The following USP37 variants were observed in gnomAD, a reference collection of about 807,000 sequenced individuals.
USP37 encodes the protein ubiquitin carboxyl-terminal hydrolase 37.
Under a neutral mutation model 124.0 loss-of-function variants are expected in USP37, and 27 were observed. The observed-to-expected ratio is 0.22, with a 90% confidence interval of 0.16 to 0.30. The LOEUF (loss-of-function observed/expected upper bound fraction) is 0.30. USP37 is among the 10% of genes least tolerant of loss of function. The pLI is 1.00. For missense variants in USP37, 889 were observed against 1,140.4 expected (o/e 0.78, Z 3.17); for synonymous variants, 365 against 388.0 (o/e 0.94, Z 0.70).
At chr2:218,457,259 T>G (rs1341735090) in intron 23 of USP37, 98 bp from the exon 24 acceptor site, 2 of 1,189,258 alleles carry the variant, frequency 1.7e-6, no homozygotes, top group African/African-American at 3.1e-5. Flanking sequence ...GGCTAAGCTT[T>G]GGTATGTGGC....
At chr2:218,530,169 C>T in intron 9 of USP37, 129 bp from the exon 10 acceptor site, 1 of 654,742 alleles carries the variant, frequency 1.5e-6, no homozygotes, top group Non-Finnish European at 2.5e-6. Context: ...TACAGGAATA[C>T]CTCATTTTAT....
At chr2:218,538,605 AT>A (rs1255384109) in intron 8 of USP37, among the ~76,000 whole-genome samples, 4 of 152,206 alleles carry the variant, frequency 2.6e-5, no homozygotes, top group Non-Finnish European at 5.9e-5. Flanking sequence ...GATAGAAGCT[AT>A]AAAAAATGGG....
intron 10 of USP37, among the ~76,000 whole-genome samples, chr2:218,518,101 G>A (rs960344136): frequency 2.6e-5 from 4 of 152,004 alleles, no homozygotes; most frequent in African/African-American, 9.7e-5. Context: ...GACCAAAAGT[G>A]CATGCCATCA....
At chr2:218,517,004 A>G (rs1307097395) in intron 10 of USP37, among the ~76,000 whole-genome samples, 1 of 152,162 alleles carries the variant, frequency 6.6e-6, no homozygotes, top group African/African-American at 2.4e-5. Context: ...CAGTATCTAC[A>G]ATGTTTACTT....
At chr2:218,457,358 A>G (rs554129302) in intron 23 of USP37, among the ~76,000 whole-genome samples, 197 bp from the exon 24 acceptor site, 1 of 152,374 alleles carries the variant, frequency 6.6e-6, no homozygotes, top group East Asian at 1.9e-4. Context: ...GAAATAAGTC[A>G]AAAGAAGAGT....
At chr2:218,534,106 T>A (rs1691487137) in intron 9 of USP37, among the ~76,000 whole-genome samples, 1 of 152,222 alleles carries the variant, frequency 6.6e-6, no homozygotes, top group South Asian at 2.1e-4. Flanking sequence ...AAGACTGGAT[T>A]CTTTATAAAC....
intron 22 of USP37, among the ~76,000 whole-genome samples, chr2:218,460,518 A>ATAAATAT (rs1689959622): frequency 6.6e-6 from 1 of 152,178 alleles, no homozygotes; most frequent in Non-Finnish European, 1.5e-5. Context: ...CATATAATCC[A>ATAAATAT]ATTTCACTAA....
intron 8 of USP37, among the ~76,000 whole-genome samples, chr2:218,535,380 G>C (rs981557858): frequency 6.8e-6 from 1 of 147,540 alleles, no homozygotes; most frequent in East Asian, 2.1e-4. Context: ...AAAAAAAAAA[G>C]TACAATGTTC....
Position 218,498,987 on chromosome 2 carries a change from T to C in USP37, c.1026-830A>G, listed in dbSNP as rs553241145. 2.6e-5 allele frequency among the ~76,000 whole-genome samples: 4 copies of C among 152,024 alleles called. No individual in the cohort carries two copies. In the South Asian group the frequency reaches 8.3e-4, roughly 32 times the overall value. ...CTAAGTACAAATATATTTTAAAAAC[T>C]TTTTATGCCGGGTGCAGTGGCTCAT... On this transcript the variant is annotated intron_variant, in intron 11 of 25. Coordinates refer to ENST00000258399, the MANE Select transcript of USP37 (RefSeq NM_020935.3).
At chr2:218,536,017 CAAAAAAAAA>C (rs59248363) in intron 8 of USP37, among the ~76,000 whole-genome samples, 20 of 80,826 alleles carry the variant, frequency 2.5e-4, no homozygotes, top group Non-Finnish European at 3.4e-4. Flanking sequence ...GACTTCATCT[CAAAAAAAAA>C]AAAAAAAAAA....
chr2:218,498,218 T>G (rs1348681426), intron 11 of USP37, 61 bp from the exon 12 acceptor site: 1 of 1,472,796 alleles, frequency 6.8e-7, no homozygotes, highest in African/African-American at 1.4e-5. Context: ...ATGTTCAGTA[T>G]AGTAGGAGTT....
intron 14 of USP37, among the ~76,000 whole-genome samples, chr2:218,494,545 T>C (rs1158740373): frequency 6.6e-6 from 1 of 152,206 alleles, no homozygotes; most frequent in Non-Finnish European, 1.5e-5. Flanking sequence ...TCAGGTTTCT[T>C]ATGAGTGGCA....
In USP37 at chr2:218,451,406, A is replaced by G. The variant is rs1689473349; in HGVS notation, c.*3524T>C. 1 of 152,208 alleles carries G rather than the reference A, an allele frequency of 6.6e-6. No homozygotes were observed. The allele number at this position is 152,208 out of a possible 1,614,324, so 9.4% of individuals were successfully genotyped here. On this transcript the variant is annotated 3_prime_UTR_variant, in exon 26 of 26. Transcript: ENST00000258399. ...TCAATTAAATTAAAAAGGCCCTCCAACCACCCTAAATGGGATAACTAAGAG... is the reference window on the plus strand; with the variant it reads ...TCAATTAAATTAAAAAGGCCCTCCAGCCACCCTAAATGGGATAACTAAGAG...
chr2:218,461,491 A>G (rs1356900155), intron 22 of USP37, among the ~76,000 whole-genome samples: 2 of 151,168 alleles, frequency 1.3e-5, no homozygotes, highest in African/African-American at 4.8e-5. Flanking sequence ...GGGCAACAAG[A>G]GAGAAACTCC....
intron 8 of USP37, among the ~76,000 whole-genome samples, chr2:218,541,777 C>T (rs990388385): frequency 2.6e-5 from 4 of 152,010 alleles, no homozygotes; most frequent in Non-Finnish European, 5.9e-5. Flanking sequence ...AGACAGGAGT[C>T]AATATAAACG....
chr2:218,529,029 T>C (rs928264617), intron 10 of USP37, among the ~76,000 whole-genome samples: 1 of 152,098 alleles, frequency 6.6e-6, no homozygotes, highest in Non-Finnish European at 1.5e-5. Context: ...GATCTTAGTA[T>C]GTTCATCCAC....
chr2:218,544,430 T>TAGAGAGAG (rs56690495), intron 8 of USP37, among the ~76,000 whole-genome samples: 1,166 of 50,674 alleles, frequency 0.023, 28 homozygotes, highest in East Asian at 0.057. Flanking sequence ...TATATATATA[T>TAGAGAGAG]AGAGAGAGAG....
In USP37 at chr2:218,509,907, C is replaced by G. The variant is rs1451357233; in HGVS notation, c.1025+72G>C. On this transcript the variant is annotated intron_variant, in intron 11 of 25. Coordinates refer to ENST00000258399, the MANE Select transcript of USP37 (RefSeq NM_020935.3). The stretch of plus-strand genomic sequence containing the variant: ...AACTTTAATGTGACTCCTTTAATTA[C>G]ATTTTACACCAAAGCACACTTCTAT... The G allele has an allele frequency of 1.2e-5, 16 of 1,363,504 alleles. No homozygotes were observed. In the South Asian group the frequency reaches 3.3e-4, roughly 28 times the overall value. The allele number at this position is 1,363,504 out of a possible 1,614,324, so 84.5% of individuals were successfully genotyped here. A position where few individuals can be genotyped will look rare whatever the true frequency, so the allele number is the denominator to read the frequency against.
At chr2:218,558,802 C>G (rs887932530) in intron 3 of USP37, 125 bp from the exon 4 acceptor site, 2 of 696,706 alleles carry the variant, frequency 2.9e-6, no homozygotes, top group East Asian at 2.7e-5. Flanking sequence ...TTCATTTTCC[C>G]TTCTTTGCCA....
Sources: allele counts gnomAD v4.1 joint callset (sites outside exome capture counted in the v4.1 genomes callset), GRCh38; gene constraint gnomAD v4.1.1; transcripts MANE v1.5; gene names NCBI Gene and HGNC (gene_info 2026-07-23, HGNC 2026-07-21).